IFNA10: variants seen among roughly 807,000 people sequenced by gnomAD.
IFNA10 encodes interferon alpha-10.
For missense variants in IFNA10, 246 were observed against 213.0 expected, an observed-to-expected ratio of 1.15 and a Z score of -0.96; for synonymous variants, 96 against 83.7, an observed-to-expected ratio of 1.15 and a Z score of -0.80.
Position 21,206,561 on chromosome 9 carries a change from T to C in IFNA10, c.537A>G (p.Thr179=), listed in dbSNP as rs1274282774. The change falls in exon 1 of 1, where the codon ACA becomes ACG. Residue 179 remains threonine (T), a synonymous_variant. Transcript: ENST00000357374. ...TCCTCCTTAATCTTTTTTGCAAGTTTGTTGAAAACGAGAGGGATCTCATGA... is the reference window on the plus strand; with the variant it reads ...TCCTCCTTAATCTTTTTTGCAAGTTCGTTGAAAACGAGAGGGATCTCATGA... ...AEIMRSLSFS[T]NLQKRLRRKD 6.2e-7 allele frequency: 1 copy of C among 1,613,842 alleles called. No homozygotes were observed. The highest frequency in any genetic ancestry group is 2.2e-5 in the East Asian group (1 of 44,870).
rs200300110 is a variant in IFNA10 at position 21,206,690 on chromosome 9, A to G, written c.408T>C (p.Asn136=). ...TCCTCACAGCCAGGATGGAGTCCTC[A>G]TTCATCAGGGGAGTCTCTTCCACCC... The part of the protein sequence containing the change: ...EVGVEETPLM[N]EDSILAVRKY... The change falls in exon 1 of 1, where the codon AAT becomes AAC. Residue 136 remains asparagine, a synonymous_variant. Transcript: ENST00000357374. 1.2e-5 allele frequency: 19 copies of G among 1,613,810 alleles called. No homozygotes were observed. Among genetic ancestry groups the G allele is most frequent in the Admixed American group, 1.0e-4 (6 of 59,978 alleles).
At position 21,206,927 on chromosome 9, in the gene IFNA10, A is replaced by G. The variant is rs756421316; in HGVS notation, c.171T>C (p.His57=). Residue 57 remains histidine (H), a synonymous_variant, in exon 1 of 1, where the codon CAT becomes CAC. Transcript: ENST00000357374. The stretch of plus-strand genomic sequence containing the variant: ...ACTCCTCCTGGGGGATTCGGAAATC[A>G]TGTCTGTCCTTCAGGCAGGAGAAAG... The part of the protein sequence containing the change: ...ISPFSCLKDR[H]DFRIPQEEFD... 16 of 1,613,754 alleles carry G rather than the reference A, an allele frequency of 9.9e-6. No homozygotes were observed. The Admixed American group carries it at 2.7e-4, about 27-fold the overall frequency.
In IFNA10 at chr9:21,207,128, G is replaced by A. The variant is rs761941769; in HGVS notation, c.-31C>T. The A allele has an allele frequency of 1.3e-6, 2 of 1,566,714 alleles. No individual in the cohort carries two copies. Among genetic ancestry groups the A allele is most frequent in the Non-Finnish European group, 1.7e-6 (2 of 1,158,392 alleles). On this transcript the variant is annotated 5_prime_UTR_variant, in exon 1 of 1. Transcript: ENST00000357374. ...TGTTGCAAATATTGCTAGGCTACTT[G>A]AGATGGATAACCTTGAACTTCGGCC...
In IFNA10 at chr9:21,206,645, A is replaced by C. The variant is rs777636390; in HGVS notation, c.453T>G (p.Thr151=). Residue 151 remains threonine, a synonymous_variant, in exon 1 of 1, where the codon ACT becomes ACG. Transcript: ENST00000357374. ...LAVRKYFQRI[T]LYLIERKYSP... ...TGTATTTCCTCTCTATTAGATAAAG[A>C]GTGATTCTTTGGAAGTATTTCCTCA... The C allele has an allele frequency of 4.3e-6, 7 of 1,613,878 alleles. No individual in the cohort carries two copies. The highest frequency in any genetic ancestry group is 5.9e-6 in the Non-Finnish European group (7 of 1,179,990).
rs555939732 is a variant in IFNA10 at position 21,206,878 on chromosome 9, C to A, written c.220G>T (p.Ala74Ser). The change falls in exon 1 of 1, where the codon GCT (alanine) becomes TCT (serine). Residue 74 changes from alanine (A) to serine (S), a missense_variant. Coordinates refer to ENST00000357374, the MANE Select transcript of IFNA10 (RefSeq NM_002171.2). ...TCATGGAGGACAGAGATGGCTTGAGCCTTCTGGAACTGGTTGCCATCAAAC... is the reference window on the plus strand; with the variant it reads ...TCATGGAGGACAGAGATGGCTTGAGACTTCTGGAACTGGTTGCCATCAAAC... ...EEFDGNQFQK[A>S]QAISVLHEMI... 6.8e-6 allele frequency: 11 copies of A among 1,613,698 alleles called. No individual in the cohort carries two copies. Among genetic ancestry groups the A allele is most frequent in the South Asian group, 1.1e-5 (1 of 91,068 alleles).
Position 21,206,954 on chromosome 9 carries a change from A to C in IFNA10, c.144T>G (p.Ser48=). ...LILLGQMGRI[S]PFSCLKDRHD... is the part of the protein sequence containing the mutation. The stretch of plus-strand genomic sequence containing the variant: ...GTCTGTCCTTCAGGCAGGAGAAAGG[A>C]GAGATTCTTCCCATTTGTCCCAGGA... Residue 48 remains serine, a synonymous_variant, in exon 1 of 1, where the codon TCT becomes TCG. Transcript: ENST00000357374. The C allele has an allele frequency of 6.2e-7, 1 of 1,613,838 alleles. No homozygotes were observed.
In IFNA10 at chr9:21,206,441, A is replaced by G; in HGVS notation, c.*87T>C. On this transcript the variant is annotated 3_prime_UTR_variant, in exon 1 of 1. Transcript: ENST00000357374. The stretch of plus-strand genomic sequence containing the variant: ...TTTTGATTCAACGCGTCGTGGTTAT[A>G]GAAGTGAGTCTTTGAAATGGAAGAA... The G allele has an allele frequency of 1.9e-6, 3 of 1,577,794 alleles. No individual in the cohort carries two copies. Among genetic ancestry groups the G allele is most frequent in the South Asian group, 2.3e-5 (2 of 85,468 alleles).
rs1317932130 is a variant in IFNA10, at chr9:21,206,998, T to G, written c.100A>C (p.Asn34His). The G allele has an allele frequency of 6.2e-7, 1 of 1,613,728 alleles. No homozygotes were observed. Among genetic ancestry groups the G allele is most frequent in the South Asian group, 1.1e-5 (1 of 91,056 alleles). Residue 34 changes from asparagine to histidine, a missense_variant, in exon 1 of 1, where the codon AAT becomes CAT. Physicochemically the swap from Asn to His is moderately conservative, Grantham distance 68. Transcript: ENST00000357374. ...CCCAGGAGTATCAAGGCCCTCCTAT[T>G]ACCCAGGCTGTGGGTCTGAGGCAGA... ...CDLPQTHSLG[N>H]RRALILLGQM...
chr9:21,206,984 C>A lies in IFNA10; in HGVS notation c.114G>T (p.Leu38Phe), dbSNP rs138686794. 1.0e-4 allele frequency: 161 copies of A among 1,613,890 alleles called. No individual in the cohort carries two copies. The African/African-American group carries it at 1.4e-3, about 14-fold the overall frequency. ...QTHSLGNRRA[L>F]ILLGQMGRIS... The stretch of plus-strand genomic sequence containing the variant: ...TTCTTCCCATTTGTCCCAGGAGTAT[C>A]AAGGCCCTCCTATTACCCAGGCTGT... Residue 38 changes from leucine to phenylalanine, a missense_variant, in exon 1 of 1, where the codon TTG (leucine) becomes TTT (phenylalanine). Leu to Phe is a conservative substitution (Grantham distance 22). Transcript: ENST00000357374.
In IFNA10 at chr9:21,206,210, T is replaced by G. The variant is rs1227402718; in HGVS notation, c.*318A>C. ...AGTAAAAATTTAATGAAAAAGGAAA[T>G]TAATATATTGGCTAAATATGAAGAA... On this transcript the variant is annotated 3_prime_UTR_variant, in exon 1 of 1. Transcript: ENST00000357374. 2 of 180,146 alleles carry G rather than the reference T, an allele frequency of 1.1e-5. No individual in the cohort carries two copies. Among genetic ancestry groups the G allele is most frequent in the African/African-American group, 4.7e-5 (2 of 42,426 alleles). 11.2% of individuals were successfully genotyped at this position (180,146 alleles called of 1,614,324 possible).
At position 21,206,423 on chromosome 9, in the gene IFNA10, T is replaced by C; in HGVS notation, c.*105A>G. 2 of 1,556,638 alleles carry C rather than the reference T, an allele frequency of 1.3e-6. No homozygotes were observed. Among genetic ancestry groups the C allele is most frequent in the Non-Finnish European group, 1.7e-6 (2 of 1,154,764 alleles). On this transcript the variant is annotated 3_prime_UTR_variant, in exon 1 of 1. Coordinates refer to ENST00000357374, the MANE Select transcript of IFNA10 (RefSeq NM_002171.2). Reference sequence around the variant, plus strand: ...GCTGAAAACATTTGAAAATTTTGATTCAACGCGTCGTGGTTATAGAAGTGA... The same window carrying C: ...GCTGAAAACATTTGAAAATTTTGATCCAACGCGTCGTGGTTATAGAAGTGA...
rs114250364 is a variant in IFNA10 at position 21,207,068 on chromosome 9, G to C, written c.30C>G (p.Ala10=). 4.3e-6 allele frequency: 7 copies of C among 1,610,422 alleles called. No individual in the cohort carries two copies. The African/African-American group carries it at 6.7e-5, about 15-fold the overall frequency. MALSFSLLM[A]VLVLSYKSIC... The stretch of plus-strand genomic sequence containing the variant: ...TGGATTTGTAGCTGAGCACCAGCAC[G>C]GCCATAAGTAAAGAAAAGGACAGGG... Residue 10 remains alanine, a synonymous_variant, in exon 1 of 1, where the codon GCC becomes GCG. Coordinates refer to ENST00000357374, the MANE Select transcript of IFNA10 (RefSeq NM_002171.2).
In IFNA10 at chr9:21,207,076, G is replaced by C; in HGVS notation, c.22C>G (p.Leu8Val). The C allele has an allele frequency of 6.2e-7, 1 of 1,609,916 alleles. No homozygotes were observed. The highest frequency in any genetic ancestry group is 8.5e-7 in the Non-Finnish European group (1 of 1,178,336). The part of the protein sequence containing the change: MALSFSL[L>V]MAVLVLSYKS... ...TAGCTGAGCACCAGCACGGCCATAA[G>C]TAAAGAAAAGGACAGGGCCATTGGG... The change falls in exon 1 of 1, where the codon CTT (leucine) becomes GTT (valine). Residue 8 changes from leucine (L) to valine (V), a missense_variant. Coordinates refer to ENST00000357374, the MANE Select transcript of IFNA10 (RefSeq NM_002171.2).
Position 21,206,796 on chromosome 9 carries a change from T to C in IFNA10, c.302A>G (p.Glu101Gly), listed in dbSNP as rs1468911560. 5 of 1,612,934 alleles carry C rather than the reference T, an allele frequency of 3.1e-6. No homozygotes were observed. The part of the protein sequence containing the change: ...FSTEDSSAAW[E>G]QSLLEKFSTE... The stretch of plus-strand genomic sequence containing the variant: ...GGAAAATTTTTCTAGGAGGCTCTGT[T>C]CCCAAGCAGCAGATGAGTCCTCTGT... The change falls in exon 1 of 1, where the codon GAA (glutamate) becomes GGA (glycine). Residue 101 changes from glutamate to glycine, a missense_variant. Glu to Gly is a moderately conservative substitution (Grantham distance 98). Transcript: ENST00000357374.
At position 21,207,000 on chromosome 9, in the gene IFNA10, C is replaced by G; in HGVS notation, c.98G>C (p.Gly33Ala). The G allele has an allele frequency of 1.9e-6, 3 of 1,613,682 alleles. No individual in the cohort carries two copies. The highest frequency in any genetic ancestry group is 3.3e-4 in the Middle Eastern group (2 of 6,058). Residue 33 changes from glycine (G) to alanine (A), a missense_variant, in exon 1 of 1, where the codon GGT (glycine) becomes GCT (alanine). Transcript: ENST00000357374. ...CAGGAGTATCAAGGCCCTCCTATTA[C>G]CCAGGCTGTGGGTCTGAGGCAGATC... is the stretch of plus-strand genomic sequence containing the variant. The part of the protein sequence containing the change: ...GCDLPQTHSL[G>A]NRRALILLGQ...
Position 21,206,365 on chromosome 9 carries a change from C to T in IFNA10, c.*163G>A. The T allele has an allele frequency of 9.3e-7, 1 of 1,075,898 alleles. No homozygotes were observed. The highest frequency in any genetic ancestry group is 1.3e-6 in the Non-Finnish European group (1 of 748,480). The allele number at this position is 1,075,898 out of a possible 1,614,324, so 66.6% of individuals were successfully genotyped here. A position where few individuals can be genotyped will look rare whatever the true frequency, so the allele number is the denominator to read the frequency against. ...AATGGTCATCTGTAAAGGACTAGTG[C>T]CTGCACAGGTATACACGACACTTCT... On this transcript the variant is annotated 3_prime_UTR_variant, in exon 1 of 1. Coordinates refer to ENST00000357374, the MANE Select transcript of IFNA10 (RefSeq NM_002171.2).
Position 21,206,571 on chromosome 9 carries a change from G to C in IFNA10, c.527C>G (p.Ser176Trp). 1.4e-5 allele frequency: 23 copies of C among 1,613,808 alleles called. No individual in the cohort carries two copies. Among genetic ancestry groups the C allele is most frequent in the Non-Finnish European group, 1.6e-5 (19 of 1,179,964 alleles). ...TCTTTTTTGCAAGTTTGTTGAAAAC[G>C]AGAGGGATCTCATGATTTCTGCTCT... The part of the protein sequence containing the change: ...VVRAEIMRSL[S>W]FSTNLQKRLR... Residue 176 changes from serine (S) to tryptophan (W), a missense_variant, in exon 1 of 1, where the codon TCG becomes TGG. Physicochemically the swap from Ser to Trp is radical, Grantham distance 177. Transcript: ENST00000357374.
rs1356810579 is a variant in IFNA10 at position 21,207,056 on chromosome 9, G to A, written c.42C>T (p.Leu14=). The A allele has an allele frequency of 1.2e-6, 2 of 1,611,410 alleles. No homozygotes were observed. The highest frequency in any genetic ancestry group is 3.4e-5 in the Admixed American group (2 of 59,348). ...CTAGAGAACAGATGGATTTGTAGCTGAGCACCAGCACGGCCATAAGTAAAG... is the reference window on the plus strand; with the variant it reads ...CTAGAGAACAGATGGATTTGTAGCTAAGCACCAGCACGGCCATAAGTAAAG... ...SFSLLMAVLV[L]SYKSICSLGC... is the part of the protein sequence containing the mutation. The change falls in exon 1 of 1, where the codon CTC becomes CTT. Residue 14 remains leucine (L), a synonymous_variant. Coordinates refer to ENST00000357374, the MANE Select transcript of IFNA10 (RefSeq NM_002171.2).
the IFNA10 span, chr9:21,206,851 TC>T: frequency 6.2e-7 from 1 of 1,613,470 alleles, no homozygotes; most frequent in Non-Finnish European, 8.5e-7. Flanking sequence ...TGCTGGATCA[TC>T]TCATGGAGGA....
Sources: allele counts gnomAD v4.1 joint callset, GRCh38; gene constraint gnomAD v4.1.1; transcripts MANE v1.5; gene names NCBI Gene and HGNC (gene_info 2026-07-23, HGNC 2026-07-21).